PRMT7: variants seen among roughly 807,000 people sequenced by gnomAD.
The protein encoded by PRMT7 is protein arginine N-methyltransferase 7.
PRMT7 carries 75 observed loss-of-function variants against 85.4 expected under a neutral mutation model. That is an observed-to-expected ratio of 0.88 (90% confidence interval 0.73 to 1.06). PRMT7 has a LOEUF of 1.06. PRMT7 is among the 50% of genes least tolerant of loss of function. The pLI is 0.00. For synonymous variants in PRMT7, 397 were observed against 359.5 expected (o/e 1.10, Z -1.18); for missense variants, 868 against 915.2 (o/e 0.95, Z 0.67).
At chr16:68,315,760 T>G in intron 2 of PRMT7, 137 bp from the exon 3 acceptor site, 3 of 541,222 alleles carry the variant, frequency 5.5e-6, no homozygotes, top group Non-Finnish European at 3.3e-6. Flanking sequence ...GGCTTTGACA[T>G]TTTTGTCAGT....
Position 68,339,523 on chromosome 16 carries a change from G to A in PRMT7, c.706G>A (p.Ala236Thr), listed in dbSNP as rs757923792. The change falls in exon 8 of 19, where the codon GCC becomes ACC. Residue 236 changes from alanine to threonine, a missense_variant. Transcript: ENST00000441236. The part of the protein sequence containing the change: ...CDIQLNQVSP[A>T]DFTVLSDVLP... ...CATTCAGCTGAACCAGGTGTCACCA[G>A]CCGACTTTACAGTCCTCAGCGATGT... 2 of 1,613,994 alleles carry A rather than the reference G, an allele frequency of 1.2e-6. No homozygotes were observed.
chr16:68,325,120 G>A (rs1431133470), intron 5 of PRMT7, among the ~76,000 whole-genome samples: 3 of 152,176 alleles, frequency 2.0e-5, no homozygotes, highest in Non-Finnish European at 4.4e-5. Flanking sequence ...CACTTCGGGA[G>A]GGTGAGGCAA....
intron 3 of PRMT7, among the ~76,000 whole-genome samples, chr16:68,317,472 G>C (rs1237939806): frequency 2.6e-5 from 4 of 152,260 alleles, no homozygotes; most frequent in African/African-American, 7.2e-5. Context: ...GGAGGCCAAG[G>C]CAGGAGGATT....
At chr16:68,318,086 C>T (rs1438324736) in intron 3 of PRMT7, among the ~76,000 whole-genome samples, 1 of 152,076 alleles carries the variant, frequency 6.6e-6, no homozygotes, top group Admixed American at 6.6e-5. Flanking sequence ...ATAATATATA[C>T]TTCAATATAG....
chr16:68,322,057 C>G (rs900536440), intron 4 of PRMT7, among the ~76,000 whole-genome samples: 1 of 152,008 alleles, frequency 6.6e-6, no homozygotes, highest in African/African-American at 2.4e-5. Context: ...AAGCGATTCT[C>G]CTGCCTCAAC....
intron 5 of PRMT7, 125 bp downstream of exon 5, chr16:68,324,957 C>A: frequency 7.9e-7 from 1 of 1,261,610 alleles, no homozygotes; most frequent in Non-Finnish European, 1.1e-6. Context: ...AAGCACAGAG[C>A]CAGGCTCTGA....
At chr16:68,342,290 G>T (rs2085665643) in intron 9 of PRMT7, among the ~76,000 whole-genome samples, 1 of 152,038 alleles carries the variant, frequency 6.6e-6, no homozygotes, top group Non-Finnish European at 1.5e-5. Context: ...AAAATAATAA[G>T]AACAAAAAAT....
rs2043536389 is a variant in PRMT7, at chr16:68,311,040, G to A, written c.-278G>A. ...CCTCGACGCTGCGAGGTCCCGCCCC[G>A]CGTGCTGGCCGCGGTAAAAGTGGTA... On this transcript the variant is annotated 5_prime_UTR_variant, in exon 1 of 19. Coordinates refer to ENST00000441236, the MANE Select transcript of PRMT7 (RefSeq NM_019023.5). The A allele has an allele frequency of 1.0e-6, 1 of 996,676 alleles. No homozygotes were observed. The highest frequency in any genetic ancestry group is 1.5e-6 in the Non-Finnish European group (1 of 655,590). The allele number at this position is 996,676 out of a possible 1,614,324, so 61.7% of individuals were successfully genotyped here.
chr16:68,322,828 C>T (rs562480329), intron 4 of PRMT7, among the ~76,000 whole-genome samples: 1 of 151,862 alleles, frequency 6.6e-6, no homozygotes, highest in African/African-American at 2.4e-5. Context: ...GTCAGGAGAT[C>T]GAGACCATCC....
chr16:68,322,014 C>T (rs115307020), intron 4 of PRMT7, among the ~76,000 whole-genome samples: 1 of 151,490 alleles, frequency 6.6e-6, no homozygotes, highest in African/African-American at 2.4e-5. Flanking sequence ...GGGGCGAGAT[C>T]TCGGCTCACT....
At chr16:68,341,188 C>T (rs1335244471) in intron 9 of PRMT7, among the ~76,000 whole-genome samples, 1 of 152,104 alleles carries the variant, frequency 6.6e-6, no homozygotes, top group Non-Finnish European at 1.5e-5. Flanking sequence ...TATTTACACC[C>T]CCATCCACCC....
intron 7 of PRMT7, 58 bp downstream of exon 7, chr16:68,337,629 C>A (rs1309340618): frequency 1.7e-6 from 2 of 1,188,328 alleles, no homozygotes; most frequent in Non-Finnish European, 2.5e-6. Context: ...TCACATAGCA[C>A]TCACTCATGC....
rs1016613980 is a variant in PRMT7 at position 68,353,315 on chromosome 16, C to A, written c.1576-177C>A. 4.4e-6 allele frequency: 6 copies of A among 1,372,802 alleles called. No individual in the cohort carries two copies. In the African/African-American group the frequency reaches 9.0e-5, roughly 21 times the overall value. The allele number at this position is 1,372,802 out of a possible 1,614,324, so 85.0% of individuals were successfully genotyped here. A position where few individuals can be genotyped will look rare whatever the true frequency, so the allele number is the denominator to read the frequency against. On this transcript the variant is annotated intron_variant, in intron 15 of 18. Coordinates refer to ENST00000441236, the MANE Select transcript of PRMT7 (RefSeq NM_019023.5). The stretch of plus-strand genomic sequence containing the variant: ...TGTCACGTCAGAGCTTGCAGGTTCC[C>A]GCCCAGCCCAGTCTGTTACAGAAAC...
intron 2 of PRMT7, among the ~76,000 whole-genome samples, chr16:68,314,394 C>T (rs1567622332): frequency 6.6e-6 from 1 of 152,168 alleles, no homozygotes; most frequent in African/African-American, 2.4e-5. Context: ...CCATGTCTGG[C>T]TAATTTTTGT....
In PRMT7 at chr16:68,352,426, A is replaced by T; in HGVS notation, c.1575+17A>T. ...GAGTTCAGGGTAGGCCACCCAGGGGATGTTGGAGAAAAAAGCAGAGGAGGC... is the reference window on the plus strand; with the variant it reads ...GAGTTCAGGGTAGGCCACCCAGGGGTTGTTGGAGAAAAAAGCAGAGGAGGC... On this transcript the variant is annotated intron_variant, in intron 15 of 18. Coordinates refer to ENST00000441236, the MANE Select transcript of PRMT7 (RefSeq NM_019023.5). The T allele has an allele frequency of 3.2e-6, 5 of 1,574,766 alleles. No individual in the cohort carries two copies. The highest frequency in any genetic ancestry group is 4.3e-6 in the Non-Finnish European group (5 of 1,162,172).
intron 11 of PRMT7, among the ~76,000 whole-genome samples, 161 bp downstream of exon 11, chr16:68,346,441 C>T (rs913248026): frequency 3.3e-5 from 5 of 152,158 alleles, no homozygotes; most frequent in Non-Finnish European, 5.9e-5. Flanking sequence ...GAGCAGAAAG[C>T]GGGAGAGCCT....
chr16:68,354,223 A>T (rs1421332405), intron 16 of PRMT7: 1 of 152,230 alleles, frequency 6.6e-6, no homozygotes, highest in Non-Finnish European at 1.5e-5. Context: ...ACAAAAAATA[A>T]CAAAAAATTA....
At chr16:68,312,347 C>T (rs7195944) in intron 2 of PRMT7, among the ~76,000 whole-genome samples, 171 bp downstream of exon 2, 93,901 of 151,340 alleles carry the variant, frequency 0.62, 29,427 homozygotes, top group East Asian at 0.78. Flanking sequence ...CTCAGCCTCC[C>T]GAGTAGCTGG....
intron 2 of PRMT7, among the ~76,000 whole-genome samples, chr16:68,314,938 TGAATAGA>T (rs2044497053): frequency 6.6e-6 from 1 of 152,064 alleles, no homozygotes; most frequent in Non-Finnish European, 1.5e-5. Context: ...AATTAAAATT[TGAATAGA>T]TAAGAAGTAA....
Sources: gnomAD v4.1 joint callset for allele counts (sites outside exome capture counted in the v4.1 genomes callset) on GRCh38, gnomAD v4.1.1 for gene constraint, MANE v1.5 for transcripts, NCBI Gene and HGNC (gene_info 2026-07-23, HGNC 2026-07-21) for gene names.